TENM4: variants seen among roughly 807,000 people sequenced by gnomAD.
The protein encoded by TENM4 is teneurin-4.
A neutral mutation model predicts 243.3 loss-of-function variants in TENM4; 82 were observed. The ratio of observed to expected loss-of-function variants is 0.34; its 90% CI spans 0.28 to 0.40. The LOEUF (loss-of-function observed/expected upper bound fraction) is 0.40. TENM4 is among the 10% of genes least tolerant of loss of function. The pLI is 1.00. For synonymous variants in TENM4, 1,412 were observed against 1,456.3 expected, an observed-to-expected ratio of 0.97 and a Z score of 0.69; for missense variants, 3,138 against 3,673.3, an observed-to-expected ratio of 0.85 and a Z score of 3.77.
At chr11:79,091,893 A>G (rs1860963892) in intron 4 of TENM4, among the ~76,000 whole-genome samples, 1 of 151,956 alleles carries the variant, frequency 6.6e-6, no homozygotes, top group South Asian at 2.1e-4. Context: ...CCTTCCCCTC[A>G]TGGCTGCCAG....
intron 4 of TENM4, among the ~76,000 whole-genome samples, chr11:79,145,095 T>A (rs908010785): frequency 7.9e-5 from 12 of 151,822 alleles, no homozygotes; most frequent in Admixed American, 3.3e-4. Flanking sequence ...TTAAAAAAAA[T>A]TTAAAAAAGA....
intron 25 of TENM4, among the ~76,000 whole-genome samples, chr11:78,719,126 A>G (rs1472432346): frequency 5.9e-5 from 9 of 152,140 alleles, no homozygotes; most frequent in Non-Finnish European, 1.0e-4. Flanking sequence ...TAGTTTACAA[A>G]TATCTTCTGT....
intron 4 of TENM4, among the ~76,000 whole-genome samples, chr11:79,085,041 T>A (rs978295972): frequency 6.6e-6 from 1 of 152,188 alleles, no homozygotes; most frequent in Admixed American, 6.5e-5. Context: ...TAATTGCATG[T>A]GAACTATAAT....
At chr11:79,073,074 C>A (rs1405275827) in intron 4 of TENM4, among the ~76,000 whole-genome samples, 1 of 152,120 alleles carries the variant, frequency 6.6e-6, no homozygotes, top group Admixed American at 6.6e-5. Flanking sequence ...GGTTACATGG[C>A]CCTGGCATGG....
chr11:79,237,525 A>G (rs901810048), intron 2 of TENM4, among the ~76,000 whole-genome samples: 33 of 152,256 alleles, frequency 2.2e-4, no homozygotes, highest in African/African-American at 7.0e-4. Flanking sequence ...AAAAATACAA[A>G]CATTAGCTGG....
intron 1 of TENM4, among the ~76,000 whole-genome samples, chr11:79,299,467 GT>G (rs1250360272): frequency 1.3e-5 from 2 of 152,114 alleles, no homozygotes; most frequent in East Asian, 3.9e-4. Flanking sequence ...CAATTAAGTT[GT>G]TTTCAAATCC....
At chr11:79,431,877 A>T (rs1263704789) in intron 1 of TENM4, among the ~76,000 whole-genome samples, 1 of 152,148 alleles carries the variant, frequency 6.6e-6, no homozygotes, top group African/African-American at 2.4e-5. Context: ...TTGTTTTAGG[A>T]AATTTTACAT....
intron 1 of TENM4, among the ~76,000 whole-genome samples, chr11:79,367,478 C>T (rs1857699018): frequency 6.6e-6 from 1 of 152,192 alleles, no homozygotes; most frequent in Admixed American, 6.5e-5. Context: ...CCTATTCCTT[C>T]TGCCAAGAGT....
intron 1 of TENM4, among the ~76,000 whole-genome samples, chr11:79,399,684 C>CAAAA (rs377067376): frequency 1.1e-3 from 170 of 150,002 alleles, no homozygotes; most frequent in African/African-American, 4.1e-3. Flanking sequence ...ACATTCACAT[C>CAAAA]AAAAAAAAAG....
chr11:79,294,748 C>G (rs1233392587), intron 2 of TENM4, among the ~76,000 whole-genome samples: 1 of 151,998 alleles, frequency 6.6e-6, no homozygotes, highest in East Asian at 1.9e-4. Flanking sequence ...GCTTGGGAGG[C>G]TGAGGCAGGA....
chr11:79,164,461 A>ATAGATATATATGTAC (rs1423984970), intron 3 of TENM4, among the ~76,000 whole-genome samples: 8 of 131,474 alleles, frequency 6.1e-5, no homozygotes, highest in African/African-American at 2.1e-4. Context: ...TATATAGTAT[A>ATAGATATATATGTAC]TATATAGTGT....
chr11:79,348,183 A>G (rs908097156), intron 1 of TENM4, among the ~76,000 whole-genome samples: 1 of 152,196 alleles, frequency 6.6e-6, no homozygotes, highest in Non-Finnish European at 1.5e-5. Context: ...TTAGTCTTTT[A>G]ACAGAGCCAT....
rs548027097 is a variant in TENM4, at chr11:78,842,544, C to G, written c.1681+11560G>C. 1.1e-4 allele frequency among the ~76,000 whole-genome samples: 16 copies of G among 152,364 alleles called. No individual in the cohort carries two copies. In the South Asian group the frequency reaches 3.3e-3, roughly 32 times the overall value. On this transcript the variant is annotated intron_variant, in intron 12 of 33. Transcript: ENST00000278550. Reference sequence around the variant, plus strand: ...TCCCACTGCTTTCAAAACCAGACTTCCAAGCTGGCTAGCCAACAGAGACAA... The same window carrying G: ...TCCCACTGCTTTCAAAACCAGACTTGCAAGCTGGCTAGCCAACAGAGACAA...
intron 3 of TENM4, among the ~76,000 whole-genome samples, chr11:79,195,334 C>A (rs927962638): frequency 1.3e-5 from 2 of 152,154 alleles, no homozygotes; most frequent in African/African-American, 4.8e-5. Context: ...AGAGGGACAC[C>A]ATCCTCCAGA....
chr11:78,832,941 G>C (rs1382884164), intron 12 of TENM4, among the ~76,000 whole-genome samples: 1 of 152,218 alleles, frequency 6.6e-6, no homozygotes, highest in Non-Finnish European at 1.5e-5. Flanking sequence ...TCTTCCTGGA[G>C]AGAAATAAAT....
At chr11:79,251,291 A>G (rs1204150134) in intron 2 of TENM4, among the ~76,000 whole-genome samples, 1 of 152,238 alleles carries the variant, frequency 6.6e-6, no homozygotes, top group Non-Finnish European at 1.5e-5. Context: ...CCAGCTGCAT[A>G]GGAAACCAAG....
chr11:78,933,448 A>T (rs1406197197), intron 6 of TENM4, among the ~76,000 whole-genome samples: 1 of 152,230 alleles, frequency 6.6e-6, no homozygotes, highest in Admixed American at 6.5e-5. Flanking sequence ...AGGCATAATT[A>T]AAGATTAGCT....
intron 1 of TENM4, among the ~76,000 whole-genome samples, chr11:79,319,639 A>G (rs1028898727): frequency 3.9e-5 from 6 of 152,114 alleles, no homozygotes; most frequent in African/African-American, 1.2e-4. Context: ...TATCGATGCT[A>G]ACAGATAACA....
chr11:79,403,227 T>C (rs79919546), intron 1 of TENM4, among the ~76,000 whole-genome samples: 1,920 of 152,326 alleles, frequency 0.013, 21 homozygotes, highest in African/African-American at 0.022. Flanking sequence ...GATTCTCCCA[T>C]GCACATTTAT....
Sources: allele counts gnomAD v4.1 joint callset (sites outside exome capture counted in the v4.1 genomes callset), GRCh38; gene constraint gnomAD v4.1.1; transcripts MANE v1.5; gene names NCBI Gene and HGNC (gene_info 2026-07-23, HGNC 2026-07-21).